The following FLT3 variants were observed in gnomAD, a reference collection of about 807,000 sequenced individuals.
FLT3 encodes fms related receptor tyrosine kinase 3.
A neutral mutation model predicts 126.6 loss-of-function variants in FLT3; 46 were observed. The ratio of observed to expected loss-of-function variants is 0.36; its 90% confidence interval spans 0.29 to 0.46. The LOEUF is 0.46. Ranked by LOEUF, FLT3 falls within the 20% of genes least tolerant of loss-of-function variation. FLT3 has a pLI of 1.00. For synonymous variants in FLT3, 404 were observed against 434.4 expected (o/e 0.93, Z 0.87); for missense variants, 1,069 against 1,190.3 (o/e 0.90, Z 1.50).
intron 2 of FLT3, among the ~76,000 whole-genome samples, chr13:28,066,236 A>C (rs924786688): frequency 2.0e-5 from 3 of 152,364 alleles, no homozygotes; most frequent in East Asian, 3.9e-4. Context: ...TCTATTTCTC[A>C]CCAGGGTATG....
At position 28,023,549 on chromosome 13, in the gene FLT3, G is replaced by A. The variant is rs76991010; in HGVS notation, c.2291-72C>T. 4,471 of 1,550,760 alleles carry A rather than the reference G, an allele frequency of 2.9e-3. 110 individuals are homozygous for A. In the African/African-American group the frequency reaches 0.048, roughly 17 times the overall value. On this transcript the variant is annotated intron_variant, in intron 18 of 23. Transcript: ENST00000241453. ...TGCCTTATTAAATCTCTATGGGAAG[G>A]TTATTCAAGCCAGAGTTAGGTGAGG...
chr13:28,016,821 T>C (rs937395827), intron 20 of FLT3, among the ~76,000 whole-genome samples: 2 of 152,190 alleles, frequency 1.3e-5, no homozygotes, highest in African/African-American at 4.8e-5. Flanking sequence ...CAGTCTATGA[T>C]GAGTAGGAGT....
chr13:28,011,535 G>A lies in FLT3; in HGVS notation c.2859+2917C>T, dbSNP rs576392224. Among the ~76,000 whole-genome samples the A allele has an allele frequency of 3.3e-5, 5 of 152,158 alleles. No homozygotes were observed. In the East Asian group the frequency reaches 5.8e-4, roughly 18 times the overall value. ...ACCAAACAAAAGTGCCCAGCAGAGC[G>A]GGCAAGATGGCTGAGACCCACGCCA... On this transcript the variant is annotated intron_variant, in intron 23 of 23. Transcript: ENST00000241453.
intron 15 of FLT3, among the ~76,000 whole-genome samples, chr13:28,032,701 G>A (rs1194724632): frequency 1.3e-5 from 2 of 152,192 alleles, no homozygotes; most frequent in African/African-American, 4.8e-5. Context: ...AAAGCTGGAT[G>A]GAAGAAGATG....
intron 16 of FLT3, 150 bp from the exon 17 acceptor site, chr13:28,027,391 C>CT: frequency 1.9e-6 from 1 of 518,548 alleles, no homozygotes; most frequent in East Asian, 3.3e-5. Flanking sequence ...TCTTCTTATA[C>CT]TTTAAATTCA....
intron 9 of FLT3, among the ~76,000 whole-genome samples, chr13:28,040,694 G>A (rs1324828958): frequency 6.6e-6 from 1 of 152,152 alleles, no homozygotes; most frequent in Non-Finnish European, 1.5e-5. Flanking sequence ...AAAAGTTTCA[G>A]GCAGTTAAAA....
At chr13:28,038,974 G>A (rs542229300) in intron 9 of FLT3, among the ~76,000 whole-genome samples, 53 of 152,216 alleles carry the variant, frequency 3.5e-4, no homozygotes, top group African/African-American at 1.3e-3. Context: ...ATCAAAGAAG[G>A]CAGAGGTCTG....
Position 28,004,119 on chromosome 13 carries a change from C to T in FLT3, c.2915G>A (p.Arg972Lys). Reference sequence around the variant, plus strand: ...ATCCATCTCTCTGCTGAAAGGTCGCCTGTTTTGGTAGGTGTGAGGACATTC... The same window carrying T: ...ATCCATCTCTCTGCTGAAAGGTCGCTTGTTTTGGTAGGTGTGAGGACATTC... ...VSECPHTYQNRRPFSREMDLG... is the reference protein window; with the variant it reads ...VSECPHTYQNKRPFSREMDLG... The change falls in exon 24 of 24, where the codon AGG (arginine) becomes AAG (lysine). Residue 972 changes from arginine to lysine, a missense_variant. Transcript: ENST00000241453. 6.2e-7 allele frequency: 1 copy of T among 1,614,112 alleles called. No individual in the cohort carries two copies. Among genetic ancestry groups the T allele is most frequent in the Non-Finnish European group, 8.5e-7 (1 of 1,180,018 alleles).
At chr13:28,055,525 G>A (rs754572723) in intron 4 of FLT3, among the ~76,000 whole-genome samples, 3 of 152,176 alleles carry the variant, frequency 2.0e-5, no homozygotes, top group East Asian at 1.9e-4. Flanking sequence ...ACCATGCCAC[G>A]CTGGTGGTTA....
rs1231755505 is a variant in FLT3 at position 28,003,509 on chromosome 13, G to A, written c.*543C>T. The A allele has an allele frequency of 8.5e-6, 2 of 236,220 alleles. No homozygotes were observed. Among genetic ancestry groups the A allele is most frequent in the Non-Finnish European group, 1.7e-5 (2 of 119,692 alleles). 14.6% of individuals were successfully genotyped at this position (236,220 alleles called of 1,614,324 possible). ...CTTGGGGTAAAAGCACACGTGCTCTGGAAGGAATGTGTAGGTGGCTATGGG... is the reference window on the plus strand; with the variant it reads ...CTTGGGGTAAAAGCACACGTGCTCTAGAAGGAATGTGTAGGTGGCTATGGG... On this transcript the variant is annotated 3_prime_UTR_variant, in exon 24 of 24. Coordinates refer to ENST00000241453, the MANE Select transcript of FLT3 (RefSeq NM_004119.3).
intron 12 of FLT3, 47 bp from the exon 13 acceptor site, chr13:28,034,454 G>T: frequency 1.5e-6 from 2 of 1,343,442 alleles, no homozygotes; most frequent in South Asian, 1.2e-5. Flanking sequence ...ATTCCTGTGT[G>T]ACATTATAAA....
intron 1 of FLT3, among the ~76,000 whole-genome samples, chr13:28,076,972 GAGGGAGGA>G (rs759085834): frequency 5.4e-5 from 7 of 129,916 alleles, no homozygotes; most frequent in Non-Finnish European, 8.5e-5. Context: ...AGAAGGAAGG[GAGGGAGGA>G]AGGGAGGGAA....
intron 9 of FLT3, among the ~76,000 whole-genome samples, chr13:28,046,313 G>A (rs1322265252): frequency 6.6e-6 from 1 of 152,170 alleles, no homozygotes; most frequent in African/African-American, 2.4e-5. Flanking sequence ...GGGACTTTTA[G>A]TACAAATCCC....
At position 28,034,314 on chromosome 13, in the gene FLT3, T is replaced by G; in HGVS notation, c.1691A>C (p.His564Pro). 1.2e-6 allele frequency: 2 copies of G among 1,613,554 alleles called. No individual in the cohort carries two copies. The highest frequency in any genetic ancestry group is 1.7e-6 in the Non-Finnish European group (2 of 1,179,534). The change falls in exon 13 of 24, where the codon CAC becomes CCC. Residue 564 changes from histidine to proline, a missense_variant. By Grantham distance (77) the His-to-Pro change is moderately conservative (BLOSUM62 -2). Transcript: ENST00000241453. ...FIVVLTLLIC[H>P]KYKKQFRYES... ...CTTTGCTTTTACCTTTTTGTACTTGTGACAAATTAGCAGGGTTAAAACGAC... is the reference window on the plus strand; with the variant it reads ...CTTTGCTTTTACCTTTTTGTACTTGGGACAAATTAGCAGGGTTAAAACGAC...
chr13:28,035,706 G>T, intron 11 of FLT3, 33 bp from the exon 12 acceptor site: 1 of 1,587,738 alleles, frequency 6.3e-7, no homozygotes, highest in Non-Finnish European at 8.6e-7. Flanking sequence ...ATTTAGACAG[G>T]TGAGCTGTCA....
chr13:28,071,471 T>G (rs558131078), intron 1 of FLT3, among the ~76,000 whole-genome samples: 1 of 152,294 alleles, frequency 6.6e-6, no homozygotes, highest in Admixed American at 6.5e-5. Context: ...TCCCTCTGTT[T>G]GGCATTTTCT....
At chr13:28,008,695 T>A (rs762738453) in intron 23 of FLT3, among the ~76,000 whole-genome samples, 1 of 151,944 alleles carries the variant, frequency 6.6e-6, no homozygotes, top group Non-Finnish European at 1.5e-5. Context: ...GCCAGGCTGG[T>A]CTCGAACTCC....
chr13:28,045,554 C>T (rs1359988070), intron 9 of FLT3, among the ~76,000 whole-genome samples: 1 of 152,104 alleles, frequency 6.6e-6, no homozygotes, highest in Non-Finnish European at 1.5e-5. Flanking sequence ...GACTCTCCAA[C>T]CTTCTACATT....
intron 23 of FLT3, among the ~76,000 whole-genome samples, chr13:28,012,805 T>G (rs1871512460): frequency 6.6e-6 from 1 of 151,858 alleles, no homozygotes; most frequent in Admixed American, 6.6e-5. Context: ...GGTCCGGTGG[T>G]GTGTGCCTGT....
Sources: gnomAD v4.1 joint callset for allele counts (sites outside exome capture counted in the v4.1 genomes callset) on GRCh38, gnomAD v4.1.1 for gene constraint, MANE v1.5 for transcripts, NCBI Gene and HGNC (gene_info 2026-07-23, HGNC 2026-07-21) for gene names.